Variants in TFG observed in about 807,000 individuals in gnomAD.
The protein encoded by TFG is trafficking from ER to golgi regulator.
TFG carries 22 observed loss-of-function variants against 51.4 expected under a neutral mutation model. That is an observed-to-expected ratio of 0.43 (90% CI 0.31 to 0.61). TFG has a LOEUF of 0.61. Ranked by LOEUF, TFG falls within the 20% of genes least tolerant of loss-of-function variation. The pLI, the probability that TFG is intolerant of heterozygous loss-of-function variation, is 0.12. For missense variants in TFG, 419 were observed against 487.7 expected (o/e 0.86, Z 1.33); for synonymous variants, 187 against 165.6 (o/e 1.13, Z -0.99).
intron 2 of TFG, among the ~76,000 whole-genome samples, 176 bp from the exon 3 acceptor site, chr3:100,719,799 A>G (rs1385493787): frequency 6.6e-6 from 1 of 152,196 alleles, no homozygotes; most frequent in East Asian, 1.9e-4. Context: ...TTGATTTAGT[A>G]TATTTTTGAA....
chr3:100,715,575 T>G (rs560506320), intron 2 of TFG, among the ~76,000 whole-genome samples: 7 of 152,224 alleles, frequency 4.6e-5, no homozygotes, highest in Non-Finnish European at 8.8e-5. Context: ...TTTTGTGATG[T>G]GTAGTCTAAG....
chr3:100,715,489 T>C (rs780805856), intron 2 of TFG, among the ~76,000 whole-genome samples: 4 of 152,234 alleles, frequency 2.6e-5, no homozygotes, highest in Non-Finnish European at 4.4e-5. Flanking sequence ...GCACAACTTA[T>C]ACTGTGGAGG....
intron 6 of TFG, 29 bp from the exon 7 acceptor site, chr3:100,744,804 T>C (rs13087035): frequency 6.7e-7 from 1 of 1,500,834 alleles, no homozygotes; most frequent in Non-Finnish European, 9.2e-7. Flanking sequence ...ATGCCTTTTT[T>C]CCTTGTGTGT....
intron 2 of TFG, among the ~76,000 whole-genome samples, chr3:100,719,550 G>A (rs560226768): frequency 6.6e-6 from 1 of 152,266 alleles, no homozygotes; most frequent in East Asian, 1.9e-4. Context: ...TGCAACAGTA[G>A]TGTTTTACTC....
chr3:100,713,907 TAAAAAAA>T lies in TFG; in HGVS notation c.184+49_184+55del, dbSNP rs374210483. ...TTAAAGCTATTTTTTAAAGTCTTTT[TAAAAAAA>T]AAAAAAAAAAGACAGAGCCTCTGTT... On this transcript the variant is annotated intron_variant, in intron 2 of 7. Coordinates refer to ENST00000240851, the MANE Select transcript of TFG (RefSeq NM_006070.6). 95 of 899,160 alleles carry T rather than the reference TAAAAAAA, an allele frequency of 1.1e-4. No homozygotes were observed. The African/African-American group carries it at 1.7e-3, about 16-fold the overall frequency. The allele number at this position is 899,160 out of a possible 1,614,324, so 55.7% of individuals were successfully genotyped here. A position where few individuals can be genotyped will look rare whatever the true frequency, so the allele number is the denominator to read the frequency against.
intron 1 of TFG, chr3:100,710,321 A>G (rs2095026953): frequency 6.6e-6 from 1 of 152,264 alleles, no homozygotes; most frequent in Non-Finnish European, 1.5e-5. Flanking sequence ...GCACTGTCTC[A>G]TTTAATCATC....
intron 1 of TFG, among the ~76,000 whole-genome samples, chr3:100,710,663 C>T (rs1228250850): frequency 1.3e-5 from 2 of 152,188 alleles, no homozygotes; most frequent in African/African-American, 2.4e-5. Context: ...TTTATATGAC[C>T]TTGGGCGTGT....
intron 1 of TFG, among the ~76,000 whole-genome samples, chr3:100,710,630 A>C (rs1444972187): frequency 6.6e-6 from 1 of 152,220 alleles, no homozygotes; most frequent in African/African-American, 2.4e-5. Context: ...CCGAACCTAG[A>C]ACCTGGTTCA....
At chr3:100,725,622 C>CAAAAAAAAAAAAAAAAAAAA (rs763163559) in intron 3 of TFG, among the ~76,000 whole-genome samples, 1 of 83,490 alleles carries the variant, frequency 1.2e-5, no homozygotes. Flanking sequence ...ACCAAAAATA[C>CAAAAAAAAAAAAAAAAAAAA]AAAAAAAAAA....
intron 1 of TFG, chr3:100,710,238 C>T (rs564700668): frequency 6.6e-6 from 1 of 152,190 alleles, no homozygotes; most frequent in Non-Finnish European, 1.5e-5. Flanking sequence ...GGAGGCCCAG[C>T]CTGGTTTATA....
At chr3:100,718,134 C>T (rs984168277) in intron 2 of TFG, among the ~76,000 whole-genome samples, 4 of 151,998 alleles carry the variant, frequency 2.6e-5, no homozygotes, top group Admixed American at 1.3e-4. Context: ...ACTGTGTTGC[C>T]CAGGCTGGTC....
chr3:100,746,598 C>T (rs962384017), intron 7 of TFG, among the ~76,000 whole-genome samples: 3 of 151,490 alleles, frequency 2.0e-5, no homozygotes, highest in East Asian at 1.9e-4. Flanking sequence ...TTTGGAGGGA[C>T]GGAAGGGAGA....
intron 1 of TFG, chr3:100,711,160 G>C (rs2095030227): frequency 6.6e-6 from 1 of 152,234 alleles, no homozygotes; most frequent in African/African-American, 2.4e-5. Flanking sequence ...TAGTGCAGTG[G>C]CGTGATCCCC....
rs1489806165 is a variant in TFG, at chr3:100,744,850, T to G, written c.739T>G (p.Tyr247Asp). Residue 247 changes from tyrosine to aspartate, a missense_variant, in exon 7 of 8, where the codon TAC becomes GAC. Physicochemically the swap from Tyr to Asp is radical, Grantham distance 160 (BLOSUM62 -3). Transcript: ENST00000240851. ...GQIEGQMYQQ[Y>D]QQQAGYGAQQ... ...GTTTTCAGGTCAGATGTACCAACAG[T>G]ACCAGCAACAGGCCGGCTATGGTGC... 2 of 1,613,284 alleles carry G rather than the reference T, an allele frequency of 1.2e-6. No homozygotes were observed. Among genetic ancestry groups the G allele is most frequent in the East Asian group, 2.2e-5 (1 of 44,874 alleles).
intron 3 of TFG, among the ~76,000 whole-genome samples, chr3:100,724,079 A>T (rs2095068298): frequency 6.6e-6 from 1 of 152,188 alleles, no homozygotes; most frequent in Non-Finnish European, 1.5e-5. Context: ...ACTTCTATGT[A>T]ACCAAGTTTT....
intron 6 of TFG, 170 bp from the exon 7 acceptor site, chr3:100,744,663 C>T: frequency 2.1e-6 from 1 of 480,528 alleles, no homozygotes; most frequent in Non-Finnish European, 3.8e-6. Flanking sequence ...AATCACACTT[C>T]TAAAATGGTT....
chr3:100,725,063 C>T (rs1393758660), intron 3 of TFG, among the ~76,000 whole-genome samples: 4 of 152,108 alleles, frequency 2.6e-5, no homozygotes, highest in African/African-American at 9.7e-5. Context: ...GCCACCACGC[C>T]CGGCTAATTT....
chr3:100,743,250 C>G (rs142900885), intron 6 of TFG: 3 of 152,072 alleles, frequency 2.0e-5, no homozygotes, highest in Non-Finnish European at 4.4e-5. Flanking sequence ...TGTTTATTGC[C>G]TGTTTGCTTA....
rs1553699095 is a variant in TFG at position 100,709,897 on chromosome 3, C to CG, written c.-44+183dup. ...GAGGGGGTGGGAGGGAGGACGAGGC[C>CG]GGGGGGGAGGGCGGGCGGGGCCTTG... is the stretch of plus-strand genomic sequence containing the variant. On this transcript the variant is annotated intron_variant, in intron 1 of 7. Transcript: ENST00000240851. 1.9e-4 allele frequency: 9 copies of CG among 47,928 alleles called. 1 individual carries two copies. The highest frequency in any genetic ancestry group is 8.1e-4 in the South Asian group (1 of 1,230). 3.0% of individuals were successfully genotyped at this position (47,928 alleles called of 1,614,324 possible). A position where few individuals can be genotyped will look rare whatever the true frequency, so the allele number is the denominator to read the frequency against.
Sources: allele counts gnomAD v4.1 joint callset (sites outside exome capture counted in the v4.1 genomes callset), GRCh38; gene constraint gnomAD v4.1.1; transcripts MANE v1.5; gene names NCBI Gene and HGNC (gene_info 2026-07-23, HGNC 2026-07-21).